The following KAZN variants were observed in gnomAD, a reference collection of about 807,000 sequenced individuals.
KAZN encodes the protein kazrin, periplakin interacting protein.
A neutral mutation model predicts 87.4 loss-of-function variants in KAZN; 40 were observed. The observed-to-expected ratio is 0.46, with a 90% confidence interval of 0.36 to 0.60. KAZN has a LOEUF of 0.60. Among genes scored for constraint, KAZN ranks in the 20% least tolerant of loss-of-function variants. The pLI, the probability that KAZN is intolerant of heterozygous loss-of-function variation, is 0.00. For synonymous variants in KAZN, 466 were observed against 458.3 expected, an observed-to-expected ratio of 1.02 and a Z score of -0.22; for missense variants, 898 against 1,073.9, an observed-to-expected ratio of 0.84 and a Z score of 2.29.
intron 2 of KAZN, among the ~76,000 whole-genome samples, chr1:14,194,989 A>G (rs1019088231): frequency 2.0e-5 from 3 of 152,078 alleles, no homozygotes; most frequent in African/African-American, 7.2e-5. Context: ...TATAGTTCTC[A>G]TTTTCAAGGA....
In KAZN at chr1:14,996,911, C is replaced by T. The variant is rs1039021900; in HGVS notation, c.418+36036C>T. Among the ~76,000 whole-genome samples the T allele has an allele frequency of 1.3e-5, 2 of 152,218 alleles. No individual in the cohort carries two copies. The highest frequency in any genetic ancestry group is 4.8e-5 in the African/African-American group (2 of 41,470). On this transcript the variant is annotated intron_variant, in intron 2 of 14. Coordinates refer to ENST00000376030, the MANE Select transcript of KAZN (RefSeq NM_201628.3). The surrounding 1 kb of genome is among the most constrained non-coding windows in gnomAD (Gnocchi z 5.9). ...TGCCTGACCTCACCGCCCCAGGAAG[C>T]TTAGTCACGTTGCCTTTTCTGTTCC...
intron 1 of KAZN, among the ~76,000 whole-genome samples, chr1:14,032,475 TCTC>T (rs1350301081): frequency 6.6e-6 from 1 of 152,070 alleles, no homozygotes; most frequent in Non-Finnish European, 1.5e-5. Context: ...CTCAGAGCCT[TCTC>T]CTTACCTGTA....
At chr1:15,054,870 C>T (rs1009659724) in intron 4 of KAZN, among the ~76,000 whole-genome samples, 1 of 152,256 alleles carries the variant, frequency 6.6e-6, no homozygotes, top group Non-Finnish European at 1.5e-5. Flanking sequence ...CTCAGCCTCA[C>T]ACTTGTCCCT....
In KAZN at chr1:15,066,969, C is replaced by T. The variant is rs1639267777; in HGVS notation, c.1222+1216C>T. Reference sequence around the variant, plus strand: ...GCAGAGTGCTGACAGTCATGGTCCCCTTCTTTGGGTCTGTCTTTTGAGAGA... The same window carrying T: ...GCAGAGTGCTGACAGTCATGGTCCCTTTCTTTGGGTCTGTCTTTTGAGAGA... On this transcript the variant is annotated intron_variant, in intron 8 of 14. Coordinates refer to ENST00000376030, the MANE Select transcript of KAZN (RefSeq NM_201628.3). This position sits in a 1 kb window ranked among gnomAD's most constrained non-coding sequence, Gnocchi z 4.3. 2 of 985,524 alleles carry T rather than the reference C, an allele frequency of 2.0e-6. No homozygotes were observed. Among genetic ancestry groups the T allele is most frequent in the Non-Finnish European group, 1.2e-6 (1 of 829,998 alleles). The allele number at this position is 985,524 out of a possible 1,614,324, so 61.0% of individuals were successfully genotyped here.
Position 15,083,290 on chromosome 1 carries a change from C to A in KAZN, c.1223-10890C>A, listed in dbSNP as rs573853473. 3.3e-5 allele frequency among the ~76,000 whole-genome samples: 5 copies of A among 152,218 alleles called. No homozygotes were observed. In the East Asian group the frequency reaches 9.6e-4, roughly 29 times the overall value. On this transcript the variant is annotated intron_variant, in intron 8 of 14. Transcript: ENST00000376030. ...AGGTGGAGGGGGGACTGTTTCAGGG[C>A]AAAAATGGTGGAAAGTAGTACATAG...
chr1:15,088,658 T>G (rs1402611774), intron 8 of KAZN, among the ~76,000 whole-genome samples: 1 of 152,094 alleles, frequency 6.6e-6, no homozygotes, highest in Non-Finnish European at 1.5e-5. Context: ...TCTGGCCCCA[T>G]AATGCCTGCA....
chr1:14,002,636 A>G (rs7544304), intron 1 of KAZN, among the ~76,000 whole-genome samples: 13,784 of 152,238 alleles, frequency 0.091, 697 homozygotes, highest in African/African-American at 0.11. Context: ...GAGAAATGCA[A>G]ATCAAAACTA....
chr1:14,091,793 A>G (rs1644001939), intron 1 of KAZN, among the ~76,000 whole-genome samples: 1 of 152,334 alleles, frequency 6.6e-6, no homozygotes, highest in Non-Finnish European at 1.5e-5. Context: ...AGTCTGTCCC[A>G]GAAACCTTGG....
chr1:14,072,398 C>T (rs1471807044), intron 1 of KAZN, among the ~76,000 whole-genome samples: 2 of 152,070 alleles, frequency 1.3e-5, no homozygotes, highest in Non-Finnish European at 2.9e-5. Context: ...CTATTTCTTC[C>T]AGGGCCTCGG....
chr1:14,488,333 C>T (rs79323879), intron 2 of KAZN, among the ~76,000 whole-genome samples: 226 of 152,262 alleles, frequency 1.5e-3, no homozygotes, highest in African/African-American at 5.0e-3. Context: ...AAAAAGAGAA[C>T]GGTGACCTCT....
chr1:13,924,801 G>A (rs1640209090), intron 1 of KAZN, among the ~76,000 whole-genome samples: 1 of 152,180 alleles, frequency 6.6e-6, no homozygotes, highest in Admixed American at 6.5e-5. Context: ...ATAAAACGAA[G>A]CTGTGTCTGA....
rs908817580 is a variant in KAZN, at chr1:14,923,648, C to G, written c.227-37036C>G. On this transcript the variant is annotated intron_variant, in intron 1 of 14. Transcript: ENST00000376030. This position sits in a 1 kb window ranked among gnomAD's most constrained non-coding sequence, Gnocchi z 4.2. ...CTCAGCCCCCTCGCGATCTCCCCCA[C>G]CAGACGGTGGGTGCACTCAGCATTC... Among the ~76,000 whole-genome samples the G allele has an allele frequency of 2.0e-5, 3 of 152,240 alleles. No homozygotes were observed. The highest frequency in any genetic ancestry group is 7.2e-5 in the African/African-American group (3 of 41,472).
At position 15,102,669 on chromosome 1, in the gene KAZN, G is replaced by A. The variant is rs549677819; in HGVS notation, c.1780-690G>A. 3.9e-5 allele frequency among the ~76,000 whole-genome samples: 6 copies of A among 152,210 alleles called. No homozygotes were observed. In the South Asian group the frequency reaches 8.3e-4, roughly 21 times the overall value. On this transcript the variant is annotated intron_variant, in intron 11 of 14. Coordinates refer to ENST00000376030, the MANE Select transcript of KAZN (RefSeq NM_201628.3). Reference sequence around the variant, plus strand: ...AACCACCCACTGAAAAGCATCCACTGTGTGCCTACTGTGAACCCTGGGGTC... The same window carrying A: ...AACCACCCACTGAAAAGCATCCACTATGTGCCTACTGTGAACCCTGGGGTC...
At chr1:14,966,788 C>A (rs1252360316) in intron 2 of KAZN, among the ~76,000 whole-genome samples, 1 of 152,084 alleles carries the variant, frequency 6.6e-6, no homozygotes, top group Non-Finnish European at 1.5e-5. Flanking sequence ...TCTCCTGTCT[C>A]AGCCCTGCGA....
intron 2 of KAZN, among the ~76,000 whole-genome samples, chr1:14,558,696 G>A (rs895867065): frequency 2.6e-5 from 4 of 152,072 alleles, no homozygotes; most frequent in Non-Finnish European, 2.9e-5. Flanking sequence ...GGGAAGGAAC[G>A]GTCTTCTGCC....
At chr1:14,406,027 T>C (rs10927425) in intron 2 of KAZN, among the ~76,000 whole-genome samples, 23,524 of 152,106 alleles carry the variant, frequency 0.15, 1,863 homozygotes, top group East Asian at 0.23. Flanking sequence ...GACCTACTAG[T>C]TGATAGCACA....
intron 1 of KAZN, among the ~76,000 whole-genome samples, chr1:14,914,516 T>C (rs1325862708): frequency 6.6e-6 from 1 of 152,114 alleles, no homozygotes; most frequent in African/African-American, 2.4e-5. Flanking sequence ...CTGAGGGAGA[T>C]GAGTTTCTCT....
At chr1:14,355,672 C>T (rs1429018315) in intron 2 of KAZN, among the ~76,000 whole-genome samples, 1 of 152,106 alleles carries the variant, frequency 6.6e-6, no homozygotes, top group East Asian at 1.9e-4. Flanking sequence ...TGAGTGAGAA[C>T]ATGCGGTGTT....
intron 2 of KAZN, among the ~76,000 whole-genome samples, chr1:14,386,647 T>A (rs527433000): frequency 1.1e-4 from 16 of 152,272 alleles, no homozygotes; most frequent in Middle Eastern, 3.4e-3. Context: ...TGGCCCCCAC[T>A]CTCTTCTGGT....
Sources: allele counts gnomAD v4.1 joint callset (sites outside exome capture counted in the v4.1 genomes callset), GRCh38; gene constraint gnomAD v4.1.1; non-coding constraint Gnocchi (gnomAD v3.1); transcripts MANE v1.5; gene names NCBI Gene and HGNC (gene_info 2026-07-23, HGNC 2026-07-21).